Variants in SLC25A39 observed in about 807,000 individuals in gnomAD.
SLC25A39 encodes the protein solute carrier family 25 member 39, also known as mitochondrial glutathione transporter SLC25A39.
SLC25A39 carries 44 observed loss-of-function variants against 46.6 expected under a neutral mutation model. That is an observed-to-expected ratio of 0.94 (90% confidence interval 0.74 to 1.21). The LOEUF (loss-of-function observed/expected upper bound fraction) is 1.21. SLC25A39 is among the 50% of genes most tolerant of loss of function. SLC25A39 has a pLI of 0.00. For missense variants in SLC25A39, 487 were observed against 473.0 expected (o/e 1.03, Z -0.28); for synonymous variants, 218 against 190.6 (o/e 1.14, Z -1.19).
intron 5 of SLC25A39, 150 bp from the exon 6 acceptor site, chr17:44,321,917 A>G: frequency 1.3e-6 from 1 of 763,720 alleles, no homozygotes; most frequent in Non-Finnish European, 2.1e-6. Context: ...GTACCCCAGC[A>G]GCTGGGTCCA....
Position 44,323,493 on chromosome 17 carries a change from C to G in SLC25A39, c.70G>C (p.Val24Leu), listed in dbSNP as rs776475203. The G allele has an allele frequency of 1.4e-6, 2 of 1,390,824 alleles. No homozygotes were observed. Among genetic ancestry groups the G allele is most frequent in the Middle Eastern group, 2.1e-4 (1 of 4,822 alleles). The allele number at this position is 1,390,824 out of a possible 1,614,324, so 86.2% of individuals were successfully genotyped here. ...TAGGTCTTACTGAAGAGAGAGGTAACCACAGCCCCGGTGCCTGAGGCCACC... is the reference window on the plus strand; with the variant it reads ...TAGGTCTTACTGAAGAGAGAGGTAAGCACAGCCCCGGTGCCTGAGGCCACC... ...QMVASGTGAVVTSLFMTPLDV... is the reference protein window; with the variant it reads ...QMVASGTGAVLTSLFMTPLDV... The change falls in exon 2 of 12, where the codon GTT becomes CTT. Residue 24 changes from valine (V) to leucine (L), a missense_variant. Transcript: ENST00000377095.
chr17:44,322,598 T>G, intron 4 of SLC25A39, 46 bp from the exon 5 acceptor site: 1 of 1,601,936 alleles, frequency 6.2e-7, no homozygotes, highest in South Asian at 1.1e-5. Flanking sequence ...CCTAGAACCT[T>G]GCAGGGAGGC....
Position 44,323,682 on chromosome 17 carries a change from G to A in SLC25A39, c.-15-105C>T, listed in dbSNP as rs540950765. ...GAGACGGCGTCTCGCTCTGCGCACTGTTGCCAGGCTGGAGTGCAGTGGCAC... is the reference window on the plus strand; with the variant it reads ...GAGACGGCGTCTCGCTCTGCGCACTATTGCCAGGCTGGAGTGCAGTGGCAC... On this transcript the variant is annotated intron_variant, in intron 1 of 11. Coordinates refer to ENST00000377095, the MANE Select transcript of SLC25A39 (RefSeq NM_001143780.3). 4 of 771,652 alleles carry A rather than the reference G, an allele frequency of 5.2e-6. No individual in the cohort carries two copies. In the East Asian group the frequency reaches 1.1e-4, roughly 21 times the overall value. The allele number at this position is 771,652 out of a possible 1,614,324, so 47.8% of individuals were successfully genotyped here.
chr17:44,319,879 TCGC>T lies in SLC25A39; in HGVS notation c.*119_*121del. 1 of 892,838 alleles carries T rather than the reference TCGC, an allele frequency of 1.1e-6. No homozygotes were observed. Among genetic ancestry groups the T allele is most frequent in the Non-Finnish European group, 1.7e-6 (1 of 577,486 alleles). The allele number at this position is 892,838 out of a possible 1,614,324, so 55.3% of individuals were successfully genotyped here. A position where few individuals can be genotyped will look rare whatever the true frequency, so the allele number is the denominator to read the frequency against. ...AGGGACAGCCCTGCCCTGGAGCTTGTCGCCGGGAGGGAAGGGAAACAAGCCCCC... is the reference window on the plus strand; with the variant it reads ...AGGGACAGCCCTGCCCTGGAGCTTGTCGGGAGGGAAGGGAAACAAGCCCCC... On this transcript the variant is annotated 3_prime_UTR_variant, in exon 12 of 12. Coordinates refer to ENST00000377095, the MANE Select transcript of SLC25A39 (RefSeq NM_001143780.3).
chr17:44,320,571 C>G (rs552106177), intron 9 of SLC25A39, 51 bp downstream of exon 9: 1 of 1,581,778 alleles, frequency 6.3e-7, no homozygotes, highest in African/African-American at 1.3e-5. Context: ...AATCCTCAGG[C>G]CCCCCGCAGG....
Position 44,323,467 on chromosome 17 carries a change from C to G in SLC25A39, c.85+11G>C, listed in dbSNP as rs59199310. 7 of 1,546,122 alleles carry G rather than the reference C, an allele frequency of 4.5e-6. No individual in the cohort carries two copies. The highest frequency in any genetic ancestry group is 1.4e-5 in the African/African-American group (1 of 72,874). On this transcript the variant is annotated intron_variant, in intron 2 of 11. Coordinates refer to ENST00000377095, the MANE Select transcript of SLC25A39 (RefSeq NM_001143780.3). Reference sequence around the variant, plus strand: ...CCCACCCGCCCCCACCCCACCTCCCCTAGGTCTTACTGAAGAGAGAGGTAA... The same window carrying G: ...CCCACCCGCCCCCACCCCACCTCCCGTAGGTCTTACTGAAGAGAGAGGTAA...
At position 44,320,211 on chromosome 17, in the gene SLC25A39, T is replaced by G; in HGVS notation, c.949A>C (p.Lys317Gln). 1 of 1,613,882 alleles carries G rather than the reference T, an allele frequency of 6.2e-7. No homozygotes were observed. ...ACACACTGACCTGCAAAGAGTCCCT[T>G]GGTGCCCGACTCGGCCCGGATCCTC... ...LRRIRAESGT[K>Q]GLFAGFLPRI... is the part of the protein sequence containing the mutation. The change falls in exon 11 of 12, where the codon AAG (lysine) becomes CAG (glutamine). Residue 317 changes from lysine (K) to glutamine (Q), a missense_variant. Coordinates refer to ENST00000377095, the MANE Select transcript of SLC25A39 (RefSeq NM_001143780.3).
rs1360734622 is a variant in SLC25A39 at position 44,320,133 on chromosome 17, G to T, written c.965-17C>A. 1 of 1,613,952 alleles carries T rather than the reference G, an allele frequency of 6.2e-7. No individual in the cohort carries two copies. Among genetic ancestry groups the T allele is most frequent in the Admixed American group, 1.7e-5 (1 of 60,032 alleles). On this transcript the variant is annotated splice_polypyrimidine_tract_variant and intron_variant, in intron 11 of 11. Coordinates refer to ENST00000377095, the MANE Select transcript of SLC25A39 (RefSeq NM_001143780.3). ...GAAGGAAGCCTGCAGTGGAAAGGAG[G>T]CCCGTGTCAGGGGTCAGGTCGCAGG...
In SLC25A39 at chr17:44,320,676, C is replaced by T. The variant is rs371523676; in HGVS notation, c.747G>A (p.Pro249=). 1.1e-5 allele frequency: 18 copies of T among 1,613,996 alleles called. No homozygotes were observed. The highest frequency in any genetic ancestry group is 6.7e-5 in the East Asian group (3 of 44,898). Residue 249 remains proline, a synonymous_variant, in exon 9 of 12, where the codon CCG becomes CCA. Coordinates refer to ENST00000377095, the MANE Select transcript of SLC25A39 (RefSeq NM_001143780.3). The part of the protein sequence containing the change: ...LVKSWLNGFR[P]KDQTSVGMSF... Reference sequence around the variant, plus strand: ...TCATGCCCACAGAAGTCTGGTCCTTCGGCCTGAACCCATTGAGCCAGCTCT... The same window carrying T: ...TCATGCCCACAGAAGTCTGGTCCTTTGGCCTGAACCCATTGAGCCAGCTCT...
intron 1 of SLC25A39, 115 bp downstream of exon 1, chr17:44,324,596 C>T (rs189614489): frequency 6.6e-6 from 1 of 152,306 alleles, no homozygotes; most frequent in Non-Finnish European, 1.5e-5. Flanking sequence ...CGGAGAGCCG[C>T]CAGGTGAGGG....
intron 6 of SLC25A39, 39 bp from the exon 7 acceptor site, chr17:44,321,597 G>A (rs199752885): frequency 1.2e-6 from 2 of 1,611,592 alleles, no homozygotes; most frequent in Non-Finnish European, 8.5e-7. Flanking sequence ...ACTCCCAAAA[G>A]GACCCAAACT....
At chr17:44,320,521 G>A in intron 9 of SLC25A39, 85 bp from the exon 10 acceptor site, 5 of 1,583,882 alleles carry the variant, frequency 3.2e-6, no homozygotes, top group Non-Finnish European at 4.3e-6. Context: ...GGCTGGGAGG[G>A]ACAAAGGCCT....
Position 44,320,614 on chromosome 17 carries a change from C to A in SLC25A39, c.801+8G>T. The A allele has an allele frequency of 6.2e-7, 1 of 1,612,742 alleles. No homozygotes were observed. Among genetic ancestry groups the A allele is most frequent in the South Asian group, 1.1e-5 (1 of 91,020 alleles). The stretch of plus-strand genomic sequence containing the variant: ...CCGCTGGCCTCACCTCCAGCCCAGT[C>A]CACTCACCGTCCCTGAGATGCCACC... On this transcript the variant is annotated splice_region_variant and intron_variant, in intron 9 of 11. Coordinates refer to ENST00000377095, the MANE Select transcript of SLC25A39 (RefSeq NM_001143780.3).
At position 44,322,517 on chromosome 17, in the gene SLC25A39, G is replaced by C. The variant is rs751845119; in HGVS notation, c.226C>G (p.Leu76Val). 13 of 1,613,996 alleles carry C rather than the reference G, an allele frequency of 8.1e-6. No homozygotes were observed. In the East Asian group the frequency reaches 2.9e-4, roughly 36 times the overall value. Residue 76 changes from leucine (L) to valine (V), a missense_variant, in exon 5 of 12, where the codon CTG becomes GTG. Transcript: ENST00000377095. ...SSLQSTGKCL[L>V]YCNGVLEPLY... ...GGCTCCAGGACACCATTGCAATACA[G>C]GAGGCACTTCCCTGTGGATTGGAGA...
At chr17:44,323,032 C>T (rs2048103270) in intron 3 of SLC25A39, among the ~76,000 whole-genome samples, 180 bp from the exon 4 acceptor site, 3 of 152,220 alleles carry the variant, frequency 2.0e-5, no homozygotes, top group Admixed American at 1.3e-4. Context: ...AAGCGATTCT[C>T]CTGCCTCAGC....
intron 5 of SLC25A39, among the ~76,000 whole-genome samples, chr17:44,322,093 A>G (rs1275808226): frequency 6.6e-6 from 1 of 152,192 alleles, no homozygotes; most frequent in Non-Finnish European, 1.5e-5. Flanking sequence ...TACTAAAAAT[A>G]CAAAAATTAG....
At chr17:44,320,536 G>C in intron 9 of SLC25A39, 86 bp downstream of exon 9, 1 of 1,576,840 alleles carries the variant, frequency 6.3e-7, no homozygotes, top group Non-Finnish European at 8.7e-7. Context: ...AGGCCTCATG[G>C]GGTCTGCTTC....
intron 1 of SLC25A39, chr17:44,324,357 A>G (rs1482317091): frequency 1.3e-5 from 2 of 152,274 alleles, no homozygotes; most frequent in Admixed American, 1.3e-4. Context: ...TGACGTGTAA[A>G]CAGATCCGGT....
Position 44,323,577 on chromosome 17 carries a change from C to G in SLC25A39, c.-15G>C. On this transcript the variant is annotated splice_region_variant and 5_prime_UTR_variant, in exon 2 of 12. Transcript: ENST00000377095. ...TGGTCAGCCATCTTGAAGCTTCAGT[C>G]CTGAAAACCAAACCTCAAACAGACC... 6.4e-7 allele frequency: 1 copy of G among 1,559,342 alleles called. No individual in the cohort carries two copies. The highest frequency in any genetic ancestry group is 8.7e-7 in the Non-Finnish European group (1 of 1,151,718).
Sources: allele counts gnomAD v4.1 joint callset (sites outside exome capture counted in the v4.1 genomes callset), GRCh38; gene constraint gnomAD v4.1.1; transcripts MANE v1.5; gene names NCBI Gene and HGNC (gene_info 2026-07-23, HGNC 2026-07-21).